EXOC6: variants seen among roughly 807,000 people sequenced by gnomAD.
EXOC6 encodes exocyst complex component 6, also known as SEC15-like 1.
EXOC6 carries 60 observed loss-of-function variants against 112.5 expected under a neutral mutation model. The ratio of observed to expected loss-of-function variants is 0.53; its 90% CI spans 0.43 to 0.66. The LOEUF (loss-of-function observed/expected upper bound fraction) is 0.66. EXOC6 is among the 30% of genes least tolerant of loss of function. EXOC6 has a pLI of 0.00. For synonymous variants in EXOC6, 295 were observed against 308.0 expected, an observed-to-expected ratio of 0.96 and a Z score of 0.44; for missense variants, 855 against 957.1, an observed-to-expected ratio of 0.89 and a Z score of 1.41.
intron 1 of EXOC6, among the ~76,000 whole-genome samples, chr10:92,868,421 A>G (rs981305122): frequency 5.9e-5 from 9 of 151,988 alleles, no homozygotes; most frequent in African/African-American, 2.2e-4. Flanking sequence ...CATTGTCTAT[A>G]TGTCTATTCA....
intron 1 of EXOC6, among the ~76,000 whole-genome samples, chr10:92,870,197 G>A (rs889847808): frequency 5.3e-5 from 8 of 151,786 alleles, no homozygotes; most frequent in East Asian, 1.9e-4. Context: ...CAGTTGATCC[G>A]CCCGCCTCAG....
chr10:92,929,645 G>A (rs1159221468), intron 9 of EXOC6, among the ~76,000 whole-genome samples: 1 of 152,148 alleles, frequency 6.6e-6, no homozygotes, highest in Non-Finnish European at 1.5e-5. Context: ...AAACTATAAA[G>A]AATGACCAAA....
chr10:92,856,486 T>C (rs1317162664), intron 1 of EXOC6, among the ~76,000 whole-genome samples: 1 of 152,176 alleles, frequency 6.6e-6, no homozygotes, highest in African/African-American at 2.4e-5. Context: ...TTTCAACATA[T>C]TTGTGAATTT....
At chr10:93,009,870 A>G (rs1008957906) in intron 19 of EXOC6, among the ~76,000 whole-genome samples, 8 of 152,202 alleles carry the variant, frequency 5.3e-5, no homozygotes, top group Non-Finnish European at 8.8e-5. Context: ...TTTGAAGATG[A>G]TGGGGAACTA....
In EXOC6 at chr10:92,896,202, T is replaced by A. The variant is rs1471248396; in HGVS notation, c.412+1182T>A. ...ATATATTTTTTTTTTTTTTTTTTTT[T>A]TTTTTTTTTTTTTTTGGCGGAGTCT... is the stretch of plus-strand genomic sequence containing the variant. On this transcript the variant is annotated intron_variant, in intron 4 of 21. Transcript: ENST00000260762. Among the ~76,000 whole-genome samples, 113 of 53,362 alleles carry A rather than the reference T, an allele frequency of 2.1e-3. 4 individuals are homozygous for A. Among genetic ancestry groups the A allele is most frequent in the African/African-American group, 6.4e-3 (75 of 11,694 alleles). The allele number at this position is 53,362 out of a possible 152,430, so 35.0% of individuals were successfully genotyped here. A position where few individuals can be genotyped will look rare whatever the true frequency, so the allele number is the denominator to read the frequency against.
At chr10:92,939,384 CAGA>C (rs1189071571) in intron 12 of EXOC6, among the ~76,000 whole-genome samples, 1 of 151,694 alleles carries the variant, frequency 6.6e-6, no homozygotes, top group Non-Finnish European at 1.5e-5. Flanking sequence ...AGGTAAAAAT[CAGA>C]AGAATTTGGT....
intron 17 of EXOC6, among the ~76,000 whole-genome samples, chr10:92,965,771 T>C (rs1166471210): frequency 3.9e-5 from 6 of 152,190 alleles, no homozygotes; most frequent in Admixed American, 1.3e-4. Context: ...AAAGAAAATA[T>C]AGTGAGCCAG....
intron 7 of EXOC6, among the ~76,000 whole-genome samples, chr10:92,917,212 AC>A (rs887162896): frequency 6.6e-5 from 10 of 151,896 alleles, no homozygotes; most frequent in African/African-American, 2.4e-4. Flanking sequence ...TGATCTGTCC[AC>A]CTCGGCCTCC....
intron 1 of EXOC6, among the ~76,000 whole-genome samples, chr10:92,872,064 C>G (rs186847822): frequency 2.6e-4 from 39 of 151,648 alleles, no homozygotes; most frequent in African/African-American, 9.4e-4. Flanking sequence ...TTTAATGATT[C>G]TTTCCATTTC....
intron 8 of EXOC6, among the ~76,000 whole-genome samples, chr10:92,923,945 T>TAAA (rs1465797450): frequency 6.6e-6 from 1 of 152,184 alleles, no homozygotes; most frequent in Non-Finnish European, 1.5e-5. Context: ...AAGTCTCCTT[T>TAAA]AATTATTAAT....
At chr10:92,827,611 T>C (rs1360415901) in intron 1 of EXOC6, among the ~76,000 whole-genome samples, 1 of 151,056 alleles carries the variant, frequency 6.6e-6, no homozygotes, top group East Asian at 1.9e-4. Flanking sequence ...TAAGGTAGCA[T>C]GTTGGAGGGG....
intron 20 of EXOC6, among the ~76,000 whole-genome samples, chr10:93,016,537 T>C (rs1844524460): frequency 6.6e-6 from 1 of 152,156 alleles, no homozygotes; most frequent in South Asian, 2.1e-4. Context: ...GAACTCAAAC[T>C]TTTGGATATT....
intron 20 of EXOC6, among the ~76,000 whole-genome samples, chr10:93,037,198 A>G (rs1845553387): frequency 6.9e-6 from 1 of 144,408 alleles, no homozygotes; most frequent in Non-Finnish European, 1.5e-5. Flanking sequence ...GCTGGAGTGC[A>G]GTGGTGTGAT....
At chr10:92,832,527 C>T (rs2133564790), upstream of EXOC6, among the ~76,000 whole-genome samples, 1 of 152,168 alleles carries the variant, frequency 6.6e-6, no homozygotes, top group East Asian at 1.9e-4. Flanking sequence ...ATCCACCCAC[C>T]TCAGCCTCCC....
chr10:92,893,075 A>G (rs1849585569), intron 1 of EXOC6, among the ~76,000 whole-genome samples: 1 of 152,152 alleles, frequency 6.6e-6, no homozygotes, highest in African/African-American at 2.4e-5. Context: ...TTTGAATGTT[A>G]GTATGTTAAA....
chr10:92,914,467 AC>A (rs1850971561), intron 6 of EXOC6, among the ~76,000 whole-genome samples: 1 of 152,146 alleles, frequency 6.6e-6, no homozygotes, highest in African/African-American at 2.4e-5. Flanking sequence ...TGAACTTAGA[AC>A]CCTTTTTTCA....
intron 1 of EXOC6, among the ~76,000 whole-genome samples, chr10:92,876,410 A>G (rs987901208): frequency 5.9e-5 from 9 of 152,128 alleles, no homozygotes; most frequent in African/African-American, 2.2e-4. Flanking sequence ...TGAGGTAGGG[A>G]TAGATAGATT....
chr10:92,832,433 A>C (rs559570584), upstream of EXOC6, among the ~76,000 whole-genome samples: 1 of 152,234 alleles, frequency 6.6e-6, no homozygotes, highest in South Asian at 2.1e-4. Context: ...GTCCGCCACC[A>C]CAGCCGGCTA....
At chr10:92,919,927 A>G in intron 7 of EXOC6, 55 bp from the exon 8 acceptor site, 1 of 1,060,248 alleles carries the variant, frequency 9.4e-7, no homozygotes, top group African/African-American at 1.6e-5. Context: ...TACATTATCT[A>G]ATGGTGGTCT....
Sources: allele counts gnomAD v4.1 joint callset (sites outside exome capture counted in the v4.1 genomes callset), GRCh38; gene constraint gnomAD v4.1.1; transcripts MANE v1.5; gene names NCBI Gene and HGNC (gene_info 2026-07-23, HGNC 2026-07-21).